UBN2: variants seen among roughly 807,000 people sequenced by gnomAD.
UBN2 encodes ubinuclein-2.
A neutral mutation model predicts 120.2 loss-of-function variants in UBN2; 35 were observed. The observed-to-expected ratio is 0.29, with a 90% confidence interval of 0.22 to 0.39. UBN2 has a LOEUF of 0.39. Ranked by LOEUF, UBN2 falls within the 10% of genes least tolerant of loss-of-function variation. The probability of loss-of-function intolerance (pLI) is 1.00; values close to 1 mark genes in which losing one functional copy is unlikely to be tolerated. For synonymous variants in UBN2, 661 were observed against 648.7 expected, an observed-to-expected ratio of 1.02 and a Z score of -0.29; for missense variants, 1,693 against 1,663.2, an observed-to-expected ratio of 1.02 and a Z score of -0.31.
In UBN2 at chr7:139,266,374, T is replaced by C. The variant is rs1215430281; in HGVS notation, c.1437T>C (p.Phe479=). The part of the protein sequence containing the change: ...LFDEEGRKKF[F]TQDMNNILLD... ...ATGAAGAAGGAAGGAAAAAATTCTT[T>C]ACACAGGATATGAATAATATTCTTC... Residue 479 remains phenylalanine (F), a synonymous_variant, in exon 7 of 18, where the codon TTT becomes TTC. Coordinates refer to ENST00000473989, the MANE Select transcript of UBN2 (RefSeq NM_173569.4). The C allele has an allele frequency of 2.5e-6, 4 of 1,577,820 alleles. No homozygotes were observed. The highest frequency in any genetic ancestry group is 3.5e-6 in the Non-Finnish European group (4 of 1,155,380).
At chr7:139,273,448 C>A in intron 10 of UBN2, 38 bp downstream of exon 10, 7 of 1,330,390 alleles carry the variant, frequency 5.3e-6, no homozygotes, top group South Asian at 3.3e-5. Flanking sequence ...ATATATAATG[C>A]AGAAGTAAGA....
intron 6 of UBN2, among the ~76,000 whole-genome samples, chr7:139,262,696 A>G (rs1796974969): frequency 6.6e-6 from 1 of 150,532 alleles, no homozygotes; most frequent in Admixed American, 6.7e-5. Context: ...CCTGGGTGAC[A>G]GAGCAAGACT....
chr7:139,277,825 G>C (rs1459033640), intron 12 of UBN2: 1 of 152,200 alleles, frequency 6.6e-6, no homozygotes, highest in East Asian at 1.9e-4. Flanking sequence ...ACTGCAGACA[G>C]TACTGAACCC....
chr7:139,244,779 A>G (rs758727848), intron 2 of UBN2, among the ~76,000 whole-genome samples: 1 of 152,036 alleles, frequency 6.6e-6, no homozygotes, highest in Non-Finnish European at 1.5e-5. Context: ...TTATTTAGCT[A>G]TTGTCTCCAT....
At chr7:139,316,295 C>T in the UBN2 span, among the ~76,000 whole-genome samples, 1 of 151,796 alleles carries the variant, frequency 6.6e-6, no homozygotes, top group Non-Finnish European at 1.5e-5. Context: ...GTATAATATA[C>T]TTATATTAAG....
At chr7:139,316,089 AAAAAAAAAAAAAAAAAAAG>A in the UBN2 span, among the ~76,000 whole-genome samples, 1 of 141,722 alleles carries the variant, frequency 7.1e-6, no homozygotes, top group Non-Finnish European at 1.5e-5. Flanking sequence ...AAAAAAAAAA[AAAAAAAAAAAAAAAAAAAG>A]GGGTTCCAGT....
chr7:139,315,792 T>C, the UBN2 span, among the ~76,000 whole-genome samples: 1 of 151,908 alleles, frequency 6.6e-6, no homozygotes, highest in Non-Finnish European at 1.5e-5. Flanking sequence ...GCATGGAGGC[T>C]CAGGCTGGGC....
At chr7:139,254,015 C>T (rs994361622) in intron 3 of UBN2, among the ~76,000 whole-genome samples, 3 of 152,126 alleles carry the variant, frequency 2.0e-5, no homozygotes, top group Non-Finnish European at 2.9e-5. Flanking sequence ...CTGTCACGGC[C>T]GGGTGCGGTG....
In UBN2 at chr7:139,231,609, C is replaced by G. The variant is rs1243703590; in HGVS notation, c.125C>G (p.Pro42Arg). The G allele has an allele frequency of 5.2e-5, 71 of 1,353,044 alleles. No homozygotes were observed. Among genetic ancestry groups the G allele is most frequent in the Non-Finnish European group, 6.3e-5 (66 of 1,044,806 alleles). 83.8% of individuals were successfully genotyped at this position (1,353,044 alleles called of 1,614,324 possible). A position where few individuals can be genotyped will look rare whatever the true frequency, so the allele number is the denominator to read the frequency against. ...GAGCCCCCCCGGCTGGAGCCGCAGC[C>G]GTACCGCGAGCCGGCCCGGGCGGAG... The part of the protein sequence containing the change: ...PREPPRLEPQ[P>R]YREPARAEPP... Residue 42 changes from proline (P) to arginine (R), a missense_variant, in exon 1 of 18, where the codon CCG (proline) becomes CGG (arginine). Physicochemically the swap from Pro to Arg is moderately radical, Grantham distance 103. Around this residue, in one of 5 missense-constraint regions of UBN2, gnomAD observed 663 missense variants for 591.2 expected, o/e 1.12. Coordinates refer to ENST00000473989, the MANE Select transcript of UBN2 (RefSeq NM_173569.4).
At chr7:139,273,785 A>C in intron 10 of UBN2, 146 bp from the exon 11 acceptor site, 1 of 633,216 alleles carries the variant, frequency 1.6e-6, no homozygotes, top group Non-Finnish European at 2.5e-6. Context: ...AAATTGTTTC[A>C]TATTGCAGGT....
chr7:139,265,338 C>T (rs1262821440), intron 6 of UBN2, among the ~76,000 whole-genome samples: 4 of 151,966 alleles, frequency 2.6e-5, no homozygotes, highest in Non-Finnish European at 5.9e-5. Context: ...ATTAGCCAGG[C>T]GTGGTGACAC....
At chr7:139,323,825 T>C in the UBN2 span, among the ~76,000 whole-genome samples, 1 of 152,022 alleles carries the variant, frequency 6.6e-6, no homozygotes. Flanking sequence ...GATGTGATTT[T>C]TTTTGTACTC....
chr7:139,283,838 T>G lies in UBN2; in HGVS notation c.2933T>G (p.Leu978Arg). Residue 978 changes from leucine (L) to arginine (R), a missense_variant, in exon 15 of 18, where the codon CTT becomes CGT. Leu to Arg is a moderately radical substitution (Grantham distance 102, BLOSUM62 -2). Coordinates refer to ENST00000473989, the MANE Select transcript of UBN2 (RefSeq NM_173569.4). Reference sequence around the variant, plus strand: ...CTTATTAAGACTTCAGATAAGCCACTTATGTACCGCCTTCCCTTATCTACC... The same window carrying G: ...CTTATTAAGACTTCAGATAAGCCACGTATGTACCGCCTTCCCTTATCTACC... The part of the protein sequence containing the change: ...SSLIKTSDKP[L>R]MYRLPLSTPS... The G allele has an allele frequency of 6.2e-7, 1 of 1,614,114 alleles. No homozygotes were observed. Among genetic ancestry groups the G allele is most frequent in the Non-Finnish European group, 8.5e-7 (1 of 1,180,004 alleles).
Position 139,284,154 on chromosome 7 carries a change from C to G in UBN2, c.3249C>G (p.Pro1083=). 6.2e-7 allele frequency: 1 copy of G among 1,614,164 alleles called. No individual in the cohort carries two copies. The highest frequency in any genetic ancestry group is 8.5e-7 in the Non-Finnish European group (1 of 1,180,030). Residue 1083 remains proline (P), a synonymous_variant, in exon 15 of 18, where the codon CCC becomes CCG. Coordinates refer to ENST00000473989, the MANE Select transcript of UBN2 (RefSeq NM_173569.4). ...TKLISKSNPT[P]KPTVSPSSSS... ...TTATTTCTAAATCCAACCCAACTCC[C>G]AAGCCTACTGTATCCCCAAGTAGTT...
chr7:139,292,694 C>G (rs940789809), intron 15 of UBN2, among the ~76,000 whole-genome samples: 1 of 151,980 alleles, frequency 6.6e-6, no homozygotes, highest in Non-Finnish European at 1.5e-5. Context: ...AGGTGCAGTA[C>G]TAGATATTTA....
chr7:139,320,355 A>G, the UBN2 span, among the ~76,000 whole-genome samples: 2 of 151,516 alleles, frequency 1.3e-5, no homozygotes, highest in African/African-American at 4.9e-5. Flanking sequence ...CCAGCTACTC[A>G]GGAGGCTGAG....
Position 139,283,354 on chromosome 7 carries a change from A to G in UBN2, c.2449A>G (p.Thr817Ala), listed in dbSNP as rs1206725463. 1.9e-6 allele frequency: 3 copies of G among 1,613,852 alleles called. No individual in the cohort carries two copies. The highest frequency in any genetic ancestry group is 3.3e-5 in the Admixed American group (2 of 59,966). ...TATCATGAGTAAGCTGCCACTAGCT[A>G]CTCCCAAAAAACTAGATTCTACTCA... is the stretch of plus-strand genomic sequence containing the variant. ...ASIMSKLPLA[T>A]PKKLDSTQTT... The change falls in exon 15 of 18, where the codon ACT (threonine) becomes GCT (alanine). Residue 817 changes from threonine (T) to alanine (A), a missense_variant. Around this residue, in one of 5 missense-constraint regions of UBN2, gnomAD observed 837 missense variants for 817.6 expected, o/e 1.02. Transcript: ENST00000473989.
chr7:139,235,373 ATTGGTAAAT>A (rs969178633), intron 1 of UBN2, among the ~76,000 whole-genome samples: 1 of 151,922 alleles, frequency 6.6e-6, no homozygotes, highest in Non-Finnish European at 1.5e-5. Context: ...TATGTTTTTC[ATTGGTAAAT>A]TTTTATTTTT....
chr7:139,283,670 C>G lies in UBN2; in HGVS notation c.2765C>G (p.Ser922Trp). The G allele has an allele frequency of 1.2e-6, 2 of 1,614,132 alleles. No homozygotes were observed. Among genetic ancestry groups the G allele is most frequent in the Non-Finnish European group, 8.5e-7 (1 of 1,180,024 alleles). ...LGTSEAQDAS[S>W]LTQVTKVHQH... ...ACATCCGAGGCCCAAGATGCTTCTTCGTTAACACAAGTAACAAAGGTGCAC... is the reference window on the plus strand; with the variant it reads ...ACATCCGAGGCCCAAGATGCTTCTTGGTTAACACAAGTAACAAAGGTGCAC... The change falls in exon 15 of 18, where the codon TCG becomes TGG. Residue 922 changes from serine (S) to tryptophan (W), a missense_variant. Coordinates refer to ENST00000473989, the MANE Select transcript of UBN2 (RefSeq NM_173569.4).
Sources: allele counts gnomAD v4.1 joint callset (sites outside exome capture counted in the v4.1 genomes callset), GRCh38; gene constraint gnomAD v4.1.1; regional missense constraint gnomAD v4.1.1; transcripts MANE v1.5; gene names NCBI Gene and HGNC (gene_info 2026-07-23, HGNC 2026-07-21).